Variants in TEDC1 observed in about 807,000 individuals in gnomAD.
TEDC1 encodes tubulin epsilon and delta complex protein 1.
In TEDC1, 54 loss-of-function variants were observed where a neutral mutation model predicts 59.9. The ratio of observed to expected loss-of-function variants is 0.90; its 90% CI spans 0.72 to 1.13. The LOEUF (loss-of-function observed/expected upper bound fraction) is 1.13. Ranked by LOEUF, TEDC1 falls within the 50% of genes most tolerant of loss-of-function variation. The probability of loss-of-function intolerance (pLI) is 0.00; values close to 1 mark genes in which losing one functional copy is unlikely to be tolerated. For missense variants in TEDC1, 734 were observed against 683.4 expected (o/e 1.07, Z -0.83); for synonymous variants, 353 against 298.1 (o/e 1.18, Z -1.90).
intron 8 of TEDC1, among the ~76,000 whole-genome samples, chr14:105,498,388 G>C (rs1199021244): frequency 6.6e-6 from 1 of 152,218 alleles, no homozygotes; most frequent in Non-Finnish European, 1.5e-5. Context: ...GTTCATGGCT[G>C]TGAACACGGG....
chr14:105,492,562 C>G lies in TEDC1; in HGVS notation c.430-17C>G. ...AGGGTGGGGTGGGAGCAGGGCCTGA[C>G]CCTTGCCCCTCTCCAGTGTGAGGCC... On this transcript the variant is annotated splice_polypyrimidine_tract_variant and intron_variant, in intron 3 of 8. Coordinates refer to ENST00000392523, the MANE Select transcript of TEDC1 (RefSeq NM_001367178.1). 6.5e-7 allele frequency: 1 copy of G among 1,535,866 alleles called. No individual in the cohort carries two copies. Among genetic ancestry groups the G allele is most frequent in the South Asian group, 1.2e-5 (1 of 83,954 alleles).
rs782300782 is a variant in TEDC1 at position 105,497,412 on chromosome 14, G to A, written c.947G>A (p.Arg316Gln). The A allele has an allele frequency of 2.9e-5, 45 of 1,551,082 alleles. No homozygotes were observed. Among genetic ancestry groups the A allele is most frequent in the Non-Finnish European group, 2.0e-5 (23 of 1,148,926 alleles). ...NQRLEAVLAW[R>Q]RSELVFWRWM... ...CGCCTGGAGGCTGTCCTGGCGTGGC[G>A]GCGCTCTGAGCTGGTCTTCTGGCGG... Residue 316 changes from arginine to glutamine, a missense_variant, in exon 7 of 9, where the codon CGG (arginine) becomes CAG (glutamine). By Grantham distance (43) the Arg-to-Gln change is conservative. Transcript: ENST00000392523.
chr14:105,496,917 T>C (rs2084359576), intron 6 of TEDC1: 1 of 222,654 alleles, frequency 4.5e-6, no homozygotes, highest in Non-Finnish European at 8.8e-6. Flanking sequence ...TGCTCCTTCG[T>C]TTGGGGCCTC....
intron 3 of TEDC1, 116 bp downstream of exon 3, chr14:105,492,425 A>G: frequency 3.3e-6 from 5 of 1,509,368 alleles, no homozygotes; most frequent in Non-Finnish European, 4.5e-6. Flanking sequence ...CAGTCCCATG[A>G]AGGGTTACCC....
At chr14:105,497,662 C>T (rs2084377988) in intron 7 of TEDC1, 136 bp from the exon 8 acceptor site, 1 of 1,243,150 alleles carries the variant, frequency 8.0e-7, no homozygotes, top group East Asian at 2.6e-5. Context: ...GCCTTTGTGC[C>T]TCCCTGGACG....
Position 105,497,344 on chromosome 14 carries a change from G to A in TEDC1, c.892-13G>A, listed in dbSNP as rs1366600429. 2.5e-5 allele frequency: 38 copies of A among 1,549,768 alleles called. No homozygotes were observed. In the African/African-American group the frequency reaches 2.5e-4, roughly 10 times the overall value. ...CGTGTGAGGTTCTAGGCCAGCTGCC[G>A]TTTGCCTTCCAGCTGCTGCGGACTC... On this transcript the variant is annotated splice_polypyrimidine_tract_variant and intron_variant, in intron 6 of 8. Coordinates refer to ENST00000392523, the MANE Select transcript of TEDC1 (RefSeq NM_001367178.1).
In TEDC1 at chr14:105,498,833, G is replaced by A; in HGVS notation, c.1375G>A (p.Glu459Lys). ...AVVIRTLRSQ[E>K]ACLEAVLRRL... ...GGTGATCAGGACGCTGAGGAGCCAG[G>A]AGGCCTGCCTGGAGGCGGTGCTACG... is the stretch of plus-strand genomic sequence containing the variant. Residue 459 changes from glutamate to lysine, a missense_variant, in exon 9 of 9, where the codon GAG becomes AAG. Transcript: ENST00000392523. 6.2e-7 allele frequency: 1 copy of A among 1,608,790 alleles called. No individual in the cohort carries two copies. The highest frequency in any genetic ancestry group is 8.5e-7 in the Non-Finnish European group (1 of 1,178,510).
In TEDC1 at chr14:105,497,936, C is replaced by T. The variant is rs373497678; in HGVS notation, c.1117C>T (p.Arg373Trp). The T allele has an allele frequency of 5.0e-5, 77 of 1,546,248 alleles. No homozygotes were observed. The highest frequency in any genetic ancestry group is 6.1e-5 in the Non-Finnish European group (70 of 1,145,802). The change falls in exon 8 of 9, where the codon CGG becomes TGG. Residue 373 changes from arginine to tryptophan, a missense_variant. Arg to Trp is a moderately radical substitution (Grantham distance 101, BLOSUM62 -3). Coordinates refer to ENST00000392523, the MANE Select transcript of TEDC1 (RefSeq NM_001367178.1). ...GCTGCAGGCACTGGAGGAGGAGCTG[C>T]GGGAGGCTGCGGAGCGCAGGCGGGC... ...RELQALEEEL[R>W]EAAERRRAAW...
intron 4 of TEDC1, 117 bp downstream of exon 4, chr14:105,492,851 C>T (rs903256141): frequency 8.7e-5 from 118 of 1,350,608 alleles, no homozygotes; most frequent in Non-Finnish European, 1.1e-4. Flanking sequence ...TGGATGTGGG[C>T]CTTCCTGCCC....
At chr14:105,498,181 C>T (rs367810086) in intron 8 of TEDC1, among the ~76,000 whole-genome samples, 46 of 152,322 alleles carry the variant, frequency 3.0e-4, no homozygotes, top group Admixed American at 1.4e-3. Context: ...GCCCCTCCTG[C>T]GGGAGGTCTG....
At chr14:105,491,137 C>T (rs1466032453), upstream of TEDC1, 39 of 1,550,796 alleles carry the variant, frequency 2.5e-5, no homozygotes, top group Non-Finnish European at 3.1e-5. Context: ...GTACAGGTCT[C>T]GGGAGCGCGG....
Position 105,492,195 on chromosome 14 carries a change from G to A in TEDC1, c.315G>A (p.Gln105=). Reference sequence around the variant, plus strand: ...CACAACTACCTGAGGATGGCTCGCAGGGCAGTCGGGAGCTGCTGCTGGCTC... The same window carrying A: ...CACAACTACCTGAGGATGGCTCGCAAGGCAGTCGGGAGCTGCTGCTGGCTC... ...ALAQLPEDGS[Q]GSRELLLALS... The change falls in exon 3 of 9, where the codon CAG becomes CAA. Residue 105 remains glutamine (Q), a synonymous_variant. Transcript: ENST00000392523. 6.2e-7 allele frequency: 1 copy of A among 1,612,824 alleles called. No individual in the cohort carries two copies. Among genetic ancestry groups the A allele is most frequent in the South Asian group, 1.1e-5 (1 of 91,090 alleles).
chr14:105,491,823 C>T, intron 2 of TEDC1, 123 bp downstream of exon 2: 2 of 1,193,500 alleles, frequency 1.7e-6, no homozygotes, highest in Non-Finnish European at 2.4e-6. Flanking sequence ...ACTGACCCCG[C>T]TTGCTCCTCA....
chr14:105,493,914 AC>A lies in TEDC1; in HGVS notation c.668del (p.Pro223GlnfsTer139). Reference sequence around the variant, plus strand: ...GTCACTGAAGCAGAGATGCTCAGGGACCCAGAGGGAGGCCAGCAGGTGAGGG... The same window carrying A: ...GTCACTGAAGCAGAGATGCTCAGGGACCAGAGGGAGGCCAGCAGGTGAGGG... ...LSVTEAEMLR[D>X]PEGGQQVSGA... On this transcript the variant is annotated frameshift_variant, in exon 5 of 9. Coordinates refer to ENST00000392523, the MANE Select transcript of TEDC1 (RefSeq NM_001367178.1). LOFTEE classifies it high-confidence loss of function. 7.2e-7 allele frequency: 1 copy of A among 1,397,106 alleles called. No homozygotes were observed. The allele number at this position is 1,397,106 out of a possible 1,614,324, so 86.5% of individuals were successfully genotyped here.
chr14:105,491,969 T>C (rs1240842506), intron 2 of TEDC1, 138 bp from the exon 3 acceptor site: 2 of 989,690 alleles, frequency 2.0e-6, no homozygotes, highest in Non-Finnish European at 3.0e-6. Flanking sequence ...TGGTCTGAGT[T>C]CTAGCTCTCC....
At chr14:105,492,546 T>G in intron 3 of TEDC1, 33 bp from the exon 4 acceptor site, 1 of 1,526,810 alleles carries the variant, frequency 6.5e-7, no homozygotes, top group Non-Finnish European at 8.8e-7. Flanking sequence ...CAGGGTGGGG[T>G]GGGAGCAGGG....
At chr14:105,497,287 G>A (rs2084368126) in intron 6 of TEDC1, 70 bp from the exon 7 acceptor site, 1 of 1,449,620 alleles carries the variant, frequency 6.9e-7, no homozygotes, top group Non-Finnish European at 9.4e-7. Flanking sequence ...GCTGGGTCCA[G>A]CTGTCCATCC....
In TEDC1 at chr14:105,491,714, C is replaced by T. The variant is rs903611135; in HGVS notation, c.226+14C>T. On this transcript the variant is annotated intron_variant, in intron 2 of 8. Transcript: ENST00000392523. ...CGCTCGCCCTGGGTAAGCCCCGCTC[C>T]TGGCCCCGCCCACCCGGTAGCACTG... 1 of 1,545,378 alleles carries T rather than the reference C, an allele frequency of 6.5e-7. No homozygotes were observed. Among genetic ancestry groups the T allele is most frequent in the Non-Finnish European group, 8.7e-7 (1 of 1,146,292 alleles).
In TEDC1 at chr14:105,493,962, G is replaced by C. The variant is rs782391461; in HGVS notation, c.684+29G>C. The C allele has an allele frequency of 1.4e-5, 12 of 866,250 alleles. 1 individual carries two copies. The highest frequency in any genetic ancestry group is 1.3e-4 in the East Asian group (5 of 37,578). 53.7% of individuals were successfully genotyped at this position (866,250 alleles called of 1,614,324 possible). The stretch of plus-strand genomic sequence containing the variant: ...AGGGCGGGCAAGCTGCTGCGGGGGG[G>C]TGGGGGTGGGCTGGGGGGCACAGCA... On this transcript the variant is annotated intron_variant, in intron 5 of 8. Coordinates refer to ENST00000392523, the MANE Select transcript of TEDC1 (RefSeq NM_001367178.1).
Sources: gnomAD v4.1 joint callset for allele counts (sites outside exome capture counted in the v4.1 genomes callset) on GRCh38, gnomAD v4.1.1 for gene constraint, MANE v1.5 for transcripts, NCBI Gene and HGNC (gene_info 2026-07-23, HGNC 2026-07-21) for gene names.